MICALL1: variants seen among roughly 807,000 people sequenced by gnomAD.
MICALL1 encodes MICAL-like protein 1.
A neutral mutation model predicts 83.7 loss-of-function variants in MICALL1; 61 were observed. The observed-to-expected ratio is 0.73, with a 90% CI of 0.59 to 0.90. The LOEUF is 0.90. MICALL1 is among the 40% of genes least tolerant of loss of function. The pLI is 0.00. For missense variants in MICALL1, 1,066 were observed against 1,152.0 expected, an observed-to-expected ratio of 0.93 and a Z score of 1.08; for synonymous variants, 481 against 473.6, an observed-to-expected ratio of 1.02 and a Z score of -0.20.
In MICALL1 at chr22:37,925,749, A is replaced by T; in HGVS notation, c.1171A>T (p.Ser391Cys). The T allele has an allele frequency of 6.2e-7, 1 of 1,612,548 alleles. No individual in the cohort carries two copies. The highest frequency in any genetic ancestry group is 8.5e-7 in the Non-Finnish European group (1 of 1,179,844). ...KKPAPLPPSSSPGPPSQDSRQ... is the reference protein window; with the variant it reads ...KKPAPLPPSSCPGPPSQDSRQ... ...GCCAGCCCCACTTCCCCCAAGCAGC[A>T]GCCCGGGGCCACCAAGCCAGGACAG... The change falls in exon 8 of 16, where the codon AGC becomes TGC. Residue 391 changes from serine to cysteine, a missense_variant. Ser to Cys is a moderately radical substitution (Grantham distance 112). Coordinates refer to ENST00000215957, the MANE Select transcript of MICALL1 (RefSeq NM_033386.4).
chr22:37,917,234 G>C (rs1256852934), intron 3 of MICALL1, among the ~76,000 whole-genome samples: 1 of 152,172 alleles, frequency 6.6e-6, no homozygotes, highest in Non-Finnish European at 1.5e-5. Context: ...GGGGTGTGCA[G>C]GCCGGGTTCT....
intron 1 of MICALL1, 97 bp from the exon 2 acceptor site, chr22:37,911,855 A>G: frequency 4.2e-6 from 5 of 1,199,046 alleles, no homozygotes; most frequent in Non-Finnish European, 5.0e-6. Context: ...GGCTGGGACA[A>G]GGTCTTCTCT....
In MICALL1 at chr22:37,919,025, G is replaced by A. The variant is rs73884002; in HGVS notation, c.427-11G>A. On this transcript the variant is annotated splice_polypyrimidine_tract_variant and intron_variant, in intron 4 of 15. Coordinates refer to ENST00000215957, the MANE Select transcript of MICALL1 (RefSeq NM_033386.4). ...TCCTGCTCCCAACCTCCCCCACCTC[G>A]TTCTCTGCAGGGCGAGGAGCTCTCC... The A allele has an allele frequency of 2.4e-3, 3,757 of 1,541,286 alleles. 26 individuals carry two copies. Among genetic ancestry groups the A allele is most frequent in the African/African-American group, 0.022 (1,610 of 72,918 alleles).
At chr22:37,909,305 C>T (rs1287670939) in intron 1 of MICALL1, among the ~76,000 whole-genome samples, 2 of 151,444 alleles carry the variant, frequency 1.3e-5, no homozygotes, top group African/African-American at 4.9e-5. Context: ...CCGCCTGCCT[C>T]GGCCTCCCAA....
At position 37,927,547 on chromosome 22, in the gene MICALL1, C is replaced by T. The variant is rs186365372; in HGVS notation, c.1602C>T (p.Pro534=). 86 of 1,613,822 alleles carry T rather than the reference C, an allele frequency of 5.3e-5. No individual in the cohort carries two copies. In the Admixed American group the frequency reaches 1.4e-3, roughly 27 times the overall value. ...GAELLEPPAV[P]KSSSEPAVHA... is the part of the protein sequence containing the mutation. The stretch of plus-strand genomic sequence containing the variant: ...AGCTTCTGGAGCCGCCAGCTGTGCC[C>T]AAGAGCTCCTCAGAGCCTGCTGTCC... The change falls in exon 9 of 16, where the codon CCC becomes CCT. Residue 534 remains proline, a synonymous_variant. Coordinates refer to ENST00000215957, the MANE Select transcript of MICALL1 (RefSeq NM_033386.4).
intron 5 of MICALL1, among the ~76,000 whole-genome samples, chr22:37,919,635 C>CAAAAAA (rs34083064): frequency 1.7e-5 from 1 of 59,702 alleles, no homozygotes; most frequent in African/African-American, 6.9e-5. Context: ...GACTCTGTCT[C>CAAAAAA]AAAAAAAAAA....
At chr22:37,931,378 C>CAA (rs372697931) in intron 9 of MICALL1, among the ~76,000 whole-genome samples, 1 of 138,550 alleles carries the variant, frequency 7.2e-6, no homozygotes, top group African/African-American at 2.6e-5. Context: ...CCTGTCTTTA[C>CAA]AAAAAAAAAA....
chr22:37,936,337 TCTC>T (rs1229433232), intron 13 of MICALL1, among the ~76,000 whole-genome samples: 4 of 152,268 alleles, frequency 2.6e-5, no homozygotes, highest in Admixed American at 1.3e-4. Flanking sequence ...TTGTGTTGCT[TCTC>T]CTGCTGGAGG....
At chr22:37,928,090 T>C (rs1929583569) in intron 9 of MICALL1, among the ~76,000 whole-genome samples, 1 of 151,990 alleles carries the variant, frequency 6.6e-6, no homozygotes, top group Admixed American at 6.6e-5. Flanking sequence ...GTATTTTTAG[T>C]AGAGTGGGGT....
chr22:37,922,389 C>A lies in MICALL1; in HGVS notation c.987C>A (p.Asn329Lys). ...PRPRSSLQQE[N>K]LVEQAGSSSL... is the part of the protein sequence containing the mutation. ...CCCGCTCCAGTCTGCAGCAGGAGAA[C>A]CTGGTGGAGCAGGCTGGCAGCAGCA... Residue 329 changes from asparagine to lysine, a missense_variant, in exon 6 of 16, where the codon AAC (asparagine) becomes AAA (lysine). By Grantham distance (94) the Asn-to-Lys change is moderately conservative. Transcript: ENST00000215957. 1 of 1,534,306 alleles carries A rather than the reference C, an allele frequency of 6.5e-7. No homozygotes were observed. The highest frequency in any genetic ancestry group is 8.7e-7 in the Non-Finnish European group (1 of 1,143,542).
At chr22:37,916,945 C>T (rs1346528653) in intron 3 of MICALL1, among the ~76,000 whole-genome samples, 1 of 152,134 alleles carries the variant, frequency 6.6e-6, no homozygotes, top group Admixed American at 6.6e-5. Context: ...CTCACTGTAA[C>T]CTCCACCTCC....
intron 7 of MICALL1, 110 bp from the exon 8 acceptor site, chr22:37,925,551 C>G: frequency 1.4e-6 from 1 of 698,144 alleles, no homozygotes; most frequent in Non-Finnish European, 2.4e-6. Context: ...AGAAGGGAAA[C>G]AGCCGTTTCT....
Position 37,912,400 on chromosome 22 carries a change from C to T in MICALL1, c.245C>T (p.Pro82Leu), listed in dbSNP as rs773351460. Residue 82 changes from proline to leucine, a missense_variant, in exon 3 of 16, where the codon CCC becomes CTC. Coordinates refer to ENST00000215957, the MANE Select transcript of MICALL1 (RefSeq NM_033386.4). Reference protein sequence around the residue: ...KELGIPALLDPNDMVSMSVPD... With the variant: ...KELGIPALLDLNDMVSMSVPD... ...CTGGGGATCCCCGCTCTCCTGGACCCCAATGACATGGTCTCCATGAGCGTC... is the reference window on the plus strand; with the variant it reads ...CTGGGGATCCCCGCTCTCCTGGACCTCAATGACATGGTCTCCATGAGCGTC... 6.2e-7 allele frequency: 1 copy of T among 1,613,928 alleles called. No homozygotes were observed. Among genetic ancestry groups the T allele is most frequent in the Non-Finnish European group, 8.5e-7 (1 of 1,179,926 alleles).
Position 37,940,985 on chromosome 22 carries a change from C to A in MICALL1, c.*155C>A. 1 of 882,392 alleles carries A rather than the reference C, an allele frequency of 1.1e-6. No individual in the cohort carries two copies. The allele number at this position is 882,392 out of a possible 1,614,324, so 54.7% of individuals were successfully genotyped here. On this transcript the variant is annotated 3_prime_UTR_variant, in exon 16 of 16. Transcript: ENST00000215957. ...GTGATGGCCTCTTCCTCCTCAGGGACCTCTGACTGCTCTGGGCCAAAGAAT... is the reference window on the plus strand; with the variant it reads ...GTGATGGCCTCTTCCTCCTCAGGGAACTCTGACTGCTCTGGGCCAAAGAAT...
At position 37,941,529 on chromosome 22, in the gene MICALL1, G is replaced by A. The variant is rs1319724336; in HGVS notation, c.*699G>A. The A allele has an allele frequency of 1.3e-5, 2 of 152,452 alleles. No homozygotes were observed. The highest frequency in any genetic ancestry group is 2.9e-5 in the Non-Finnish European group (2 of 68,236). 9.4% of individuals were successfully genotyped at this position (152,452 alleles called of 1,614,324 possible). On this transcript the variant is annotated 3_prime_UTR_variant, in exon 16 of 16. Coordinates refer to ENST00000215957, the MANE Select transcript of MICALL1 (RefSeq NM_033386.4). Reference sequence around the variant, plus strand: ...ACCAGGGCTGCGACGGCCATGCTGGGGCAGGTGAGTGCTCTGTTAGCTGCT... The same window carrying A: ...ACCAGGGCTGCGACGGCCATGCTGGAGCAGGTGAGTGCTCTGTTAGCTGCT...
At chr22:37,915,021 G>C (rs952118169) in intron 3 of MICALL1, among the ~76,000 whole-genome samples, 7 of 150,680 alleles carry the variant, frequency 4.6e-5, no homozygotes, top group Admixed American at 2.0e-4. Flanking sequence ...ACTTTGGGAG[G>C]CCGAGGCAGG....
Position 37,926,913 on chromosome 22 carries a change from G to A in MICALL1, c.1466-498G>A, listed in dbSNP as rs577533569. The A allele has an allele frequency of 3.8e-4, 61 of 160,198 alleles. No homozygotes were observed. The South Asian group carries it at 0.01, about 27-fold the overall frequency. The allele number at this position is 160,198 out of a possible 1,614,324, so 9.9% of individuals were successfully genotyped here. On this transcript the variant is annotated intron_variant, in intron 8 of 15. Transcript: ENST00000215957. ...AGTCCCACCCCGTGCTGGGGCGAGT[G>A]CCCTCTCCTCTCTAAGCCTGTTGCC...
At chr22:37,915,997 AT>A (rs1429317273) in intron 3 of MICALL1, among the ~76,000 whole-genome samples, 1 of 151,150 alleles carries the variant, frequency 6.6e-6, no homozygotes, top group Non-Finnish European at 1.5e-5. Flanking sequence ...GTTTAGCTGG[AT>A]TCCTTAGAAT....
At position 37,931,414 on chromosome 22, in the gene MICALL1, C is replaced by T. The variant is rs528550024; in HGVS notation, c.1882-385C>T. Among the ~76,000 whole-genome samples the T allele has an allele frequency of 3.3e-5, 5 of 151,956 alleles. 1 individual carries two copies. The South Asian group carries it at 6.2e-4, about 19-fold the overall frequency. The stretch of plus-strand genomic sequence containing the variant: ...AAGTAAATACAAAAAATTAGCCAGG[C>T]GTGGTGGTGCAAGCCTGTAGTCCCA... On this transcript the variant is annotated intron_variant, in intron 9 of 15. Transcript: ENST00000215957.
Sources: allele counts gnomAD v4.1 joint callset (sites outside exome capture counted in the v4.1 genomes callset), GRCh38; gene constraint gnomAD v4.1.1; transcripts MANE v1.5; gene names NCBI Gene and HGNC (gene_info 2026-07-23, HGNC 2026-07-21).